ADAMTS9: variants seen among roughly 807,000 people sequenced by gnomAD.
The protein encoded by ADAMTS9 is ADAM metallopeptidase with thrombospondin type 1 motif 9.
Under a neutral mutation model 257.1 loss-of-function variants are expected in ADAMTS9, and 107 were observed. The observed-to-expected ratio is 0.42, with a 90% CI of 0.36 to 0.49. The LOEUF (loss-of-function observed/expected upper bound fraction) is 0.49, where lower values mean the gene tolerates loss of function less well. Ranked by LOEUF, ADAMTS9 falls within the 20% of genes least tolerant of loss-of-function variation. The probability of loss-of-function intolerance (pLI) is 0.03; values close to 1 mark genes in which losing one functional copy is unlikely to be tolerated. For missense variants in ADAMTS9, 2,353 were observed against 2,469.1 expected (o/e 0.95, Z 1.00); for synonymous variants, 982 against 880.9 (o/e 1.11, Z -2.03).
At chr3:64,517,415 G>GTTTTTTTTTTTTTTTTTTTTT (rs1242670245) in intron 39 of ADAMTS9, among the ~76,000 whole-genome samples, 2 of 11,544 alleles carry the variant, frequency 1.7e-4, no homozygotes, top group Non-Finnish European at 3.0e-4. Flanking sequence ...AATTAAAAAT[G>GTTTTTTTTTTTTTTTTTTTTT]GTTTTTTTTT....
intron 31 of ADAMTS9, chr3:64,550,147 C>T (rs2083252227): frequency 6.6e-6 from 1 of 152,094 alleles, no homozygotes; most frequent in Non-Finnish European, 1.5e-5. Flanking sequence ...TATAATCATG[C>T]TATGATTACT....
chr3:64,628,646 C>T (rs1700289122), intron 16 of ADAMTS9, among the ~76,000 whole-genome samples: 1 of 152,148 alleles, frequency 6.6e-6, no homozygotes, highest in Admixed American at 6.5e-5. Context: ...AGTTGTCACT[C>T]ATTTGGATGT....
intron 23 of ADAMTS9, 28 bp downstream of exon 23, chr3:64,606,932 A>T: frequency 6.2e-7 from 1 of 1,612,550 alleles, no homozygotes; most frequent in East Asian, 2.2e-5. Flanking sequence ...CCCAAAGTCA[A>T]TAACTGAGTT....
At chr3:64,606,314 G>T (rs1397792069) in intron 23 of ADAMTS9, among the ~76,000 whole-genome samples, 1 of 152,140 alleles carries the variant, frequency 6.6e-6, no homozygotes, top group Non-Finnish European at 1.5e-5. Flanking sequence ...TGTAGCCCTT[G>T]CTGATTCCTG....
chr3:64,686,560 C>G lies in ADAMTS9; in HGVS notation c.516+8G>C, dbSNP rs759992903. ...GAAGGGGAGAGGAGGTGGCGCGCGC[C>G]CACTTACCATTCCTGAGCAGAGGCT... On this transcript the variant is annotated splice_region_variant and intron_variant, in intron 2 of 39. Transcript: ENST00000498707. This position sits in a 1 kb window ranked among gnomAD's most constrained non-coding sequence, Gnocchi z 4.6. 2 of 1,595,598 alleles carry G rather than the reference C, an allele frequency of 1.3e-6. No individual in the cohort carries two copies. The highest frequency in any genetic ancestry group is 8.5e-7 in the Non-Finnish European group (1 of 1,170,042).
At chr3:64,558,797 A>T (rs2083375238) in intron 30 of ADAMTS9, among the ~76,000 whole-genome samples, 1 of 152,160 alleles carries the variant, frequency 6.6e-6, no homozygotes, top group South Asian at 2.1e-4. Flanking sequence ...GTGGCCAGGG[A>T]CCGCTAAGAA....
intron 28 of ADAMTS9, among the ~76,000 whole-genome samples, chr3:64,569,842 T>C (rs2083636079): frequency 6.6e-6 from 1 of 152,332 alleles, no homozygotes; most frequent in East Asian, 1.9e-4. Flanking sequence ...GTAGTCATTC[T>C]GAAAATCTTA....
chr3:64,578,590 A>ATATTC (rs771303250), intron 28 of ADAMTS9, among the ~76,000 whole-genome samples: 15 of 152,180 alleles, frequency 9.9e-5, no homozygotes, highest in Non-Finnish European at 2.1e-4. Context: ...AACCACTGCA[A>ATATTC]ACATCTATAT....
At chr3:64,685,669 C>T (rs897466668) in intron 2 of ADAMTS9, among the ~76,000 whole-genome samples, 2 of 152,224 alleles carry the variant, frequency 1.3e-5, no homozygotes, top group African/African-American at 4.8e-5. Flanking sequence ...AACGTGGATT[C>T]CCTGCTAAAT....
At chr3:64,595,101 A>G (rs1264309495) in intron 27 of ADAMTS9, among the ~76,000 whole-genome samples, 1 of 141,448 alleles carries the variant, frequency 7.1e-6, no homozygotes, top group Non-Finnish European at 1.5e-5. Flanking sequence ...AAAAATAGAC[A>G]AACAAAAACT....
rs149597828 is a variant in ADAMTS9 at position 64,613,524 on chromosome 3, G to A, written c.3190-15C>T. ...GTGACCAAGCACTGTAATGAAAAGC[G>A]GAGCTAGTCAGGGTCATTTCTGATC... On this transcript the variant is annotated splice_polypyrimidine_tract_variant and intron_variant, in intron 21 of 39. Transcript: ENST00000498707. 1.2e-5 allele frequency: 19 copies of A among 1,609,752 alleles called. No homozygotes were observed. Among genetic ancestry groups the A allele is most frequent in the Admixed American group, 5.0e-5 (3 of 59,722 alleles).
intron 19 of ADAMTS9, 87 bp downstream of exon 19, chr3:64,621,027 C>G: frequency 6.8e-7 from 1 of 1,473,452 alleles, no homozygotes; most frequent in African/African-American, 1.4e-5. Flanking sequence ...TAAAGACCAG[C>G]ATCCCCTCCT....
chr3:64,552,283 C>A (rs904830834), intron 30 of ADAMTS9, among the ~76,000 whole-genome samples: 4 of 152,152 alleles, frequency 2.6e-5, no homozygotes, highest in Non-Finnish European at 4.4e-5. Context: ...ATCTCTATGT[C>A]CACAGATTCT....
intron 37 of ADAMTS9, among the ~76,000 whole-genome samples, chr3:64,536,085 C>A (rs1285712769): frequency 6.6e-6 from 1 of 152,160 alleles, no homozygotes; most frequent in Non-Finnish European, 1.5e-5. Flanking sequence ...GGACAATGCC[C>A]CCAGCCGACC....
chr3:64,551,501 T>A (rs1040989975), intron 30 of ADAMTS9, among the ~76,000 whole-genome samples: 1 of 151,948 alleles, frequency 6.6e-6, no homozygotes, highest in Non-Finnish European at 1.5e-5. Flanking sequence ...GAGCCACCAC[T>A]CCCGGCCGAG....
rs75267428 is a variant in ADAMTS9 at position 64,561,962 on chromosome 3, G to A, written c.4525-211C>T. ...TTATCTTATCCACGCTGGAGAGTGA[G>A]GAAGGTGCTCAAGTTTGGAGGAATC... On this transcript the variant is annotated intron_variant, in intron 29 of 39. Coordinates refer to ENST00000498707, the MANE Select transcript of ADAMTS9 (RefSeq NM_182920.2). Among the ~76,000 whole-genome samples the A allele has an allele frequency of 4.8e-3, 736 of 152,244 alleles. 4 individuals are homozygous for A. The highest frequency in any genetic ancestry group is 0.01 in the Middle Eastern group (3 of 294).
At chr3:64,579,381 C>G (rs1415882547) in intron 28 of ADAMTS9, among the ~76,000 whole-genome samples, 1 of 152,136 alleles carries the variant, frequency 6.6e-6, no homozygotes, top group African/African-American at 2.4e-5. Flanking sequence ...TTTAATTAAG[C>G]TCTAATTTAA....
intron 31 of ADAMTS9, 110 bp from the exon 32 acceptor site, chr3:64,547,062 G>T: frequency 1.0e-6 from 1 of 956,926 alleles, no homozygotes; most frequent in Non-Finnish European, 1.5e-6. Flanking sequence ...GCTGCAGAAA[G>T]CTCCCACTTC....
intron 21 of ADAMTS9, among the ~76,000 whole-genome samples, chr3:64,614,296 T>C (rs1195403914): frequency 6.6e-6 from 1 of 152,176 alleles, no homozygotes; most frequent in Non-Finnish European, 1.5e-5. Flanking sequence ...ATACTAGAGA[T>C]TTTTAAGCAA....
Sources: gnomAD v4.1 joint callset for allele counts (sites outside exome capture counted in the v4.1 genomes callset) on GRCh38, gnomAD v4.1.1 for gene constraint, Gnocchi (gnomAD v3.1) non-coding constraint, MANE v1.5 for transcripts, NCBI Gene and HGNC (gene_info 2026-07-23, HGNC 2026-07-21) for gene names.